The following TAFA4 variants were observed in gnomAD, a reference collection of about 807,000 sequenced individuals.
The protein encoded by TAFA4 is chemokine-like protein TAFA-4.
TAFA4 carries 20 observed loss-of-function variants against 21.1 expected under a neutral mutation model. That is an observed-to-expected ratio of 0.95 (90% confidence interval 0.67 to 1.38). TAFA4 has a LOEUF of 1.38. Ranked by LOEUF, TAFA4 falls within the 40% of genes most tolerant of loss-of-function variation. TAFA4 has a pLI of 0.00. For synonymous variants in TAFA4, 71 were observed against 67.4 expected, an observed-to-expected ratio of 1.05 and a Z score of -0.26; for missense variants, 211 against 180.9, an observed-to-expected ratio of 1.17 and a Z score of -0.95.
intron 3 of TAFA4, among the ~76,000 whole-genome samples, chr3:68,862,150 G>C (rs2089353060): frequency 6.6e-6 from 1 of 151,888 alleles, no homozygotes; most frequent in Admixed American, 6.6e-5. Context: ...CTAGATGTCT[G>C]GGCCACCACC....
chr3:68,811,721 G>A (rs1013076254), intron 3 of TAFA4, among the ~76,000 whole-genome samples: 12 of 152,214 alleles, frequency 7.9e-5, no homozygotes, highest in Admixed American at 3.9e-4. Context: ...AAGTGACGGG[G>A]AGAATGGAAC....
chr3:68,797,543 A>G (rs1457193215), intron 3 of TAFA4, among the ~76,000 whole-genome samples: 1 of 150,030 alleles, frequency 6.7e-6, no homozygotes, highest in Non-Finnish European at 1.5e-5. Context: ...AACCTGGGAG[A>G]CAGAGGTTGC....
intron 3 of TAFA4, among the ~76,000 whole-genome samples, chr3:68,866,756 C>T (rs755671633): frequency 6.9e-6 from 1 of 145,422 alleles, no homozygotes; most frequent in Non-Finnish European, 1.5e-5. Flanking sequence ...AATCCTGGAA[C>T]TGAGAAATTC....
At chr3:68,880,532 A>G (rs2089603969) in intron 3 of TAFA4, among the ~76,000 whole-genome samples, 198 bp downstream of exon 3, 1 of 152,232 alleles carries the variant, frequency 6.6e-6, no homozygotes, top group Admixed American at 6.5e-5. Context: ...AAAGTTTTTA[A>G]AAGCCTGAAA....
At chr3:68,902,424 G>A (rs1183524474) in intron 1 of TAFA4, among the ~76,000 whole-genome samples, 3 of 151,928 alleles carry the variant, frequency 2.0e-5, no homozygotes, top group Non-Finnish European at 1.5e-5. Flanking sequence ...CTGGACTGCA[G>A]TGGCATGATC....
intron 3 of TAFA4, among the ~76,000 whole-genome samples, chr3:68,813,620 A>T (rs888481559): frequency 2.0e-5 from 3 of 152,238 alleles, no homozygotes; most frequent in Admixed American, 6.5e-5. Context: ...AACCAGGAAG[A>T]AGTTGAATGT....
chr3:68,747,337 T>A (rs1237798076), intron 4 of TAFA4, among the ~76,000 whole-genome samples: 1 of 152,124 alleles, frequency 6.6e-6, no homozygotes, highest in Non-Finnish European at 1.5e-5. Flanking sequence ...ACAAGCCCCA[T>A]GTTTCATGGG....
At chr3:68,851,085 A>G (rs1236985291) in intron 3 of TAFA4, among the ~76,000 whole-genome samples, 1 of 152,190 alleles carries the variant, frequency 6.6e-6, no homozygotes, top group Non-Finnish European at 1.5e-5. Context: ...AAAACATGGA[A>G]TCAACCCCAA....
intron 3 of TAFA4, among the ~76,000 whole-genome samples, chr3:68,840,293 G>A (rs892324716): frequency 1.3e-5 from 2 of 152,190 alleles, no homozygotes; most frequent in African/African-American, 2.4e-5. Context: ...CTGCAGCCCC[G>A]ACCTCCTGGG....
At chr3:68,886,115 G>T (rs1367751664) in intron 1 of TAFA4, among the ~76,000 whole-genome samples, 1 of 152,166 alleles carries the variant, frequency 6.6e-6, no homozygotes, top group African/African-American at 2.4e-5. Context: ...ACATAAAAAT[G>T]ATTTTTGAAA....
At chr3:68,824,806 T>C (rs938944332) in intron 3 of TAFA4, among the ~76,000 whole-genome samples, 5 of 152,144 alleles carry the variant, frequency 3.3e-5, no homozygotes, top group African/African-American at 4.8e-5. Context: ...AGAACTAGGA[T>C]TCAGTCATTT....
At chr3:68,832,572 G>T (rs1382407107) in intron 3 of TAFA4, among the ~76,000 whole-genome samples, 2 of 152,162 alleles carry the variant, frequency 1.3e-5, no homozygotes, top group Non-Finnish European at 2.9e-5. Context: ...TCCCAGAGGG[G>T]CACCCACCTG....
At chr3:68,880,218 A>G (rs1398011326) in intron 3 of TAFA4, among the ~76,000 whole-genome samples, 1 of 152,210 alleles carries the variant, frequency 6.6e-6, no homozygotes, top group African/African-American at 2.4e-5. Flanking sequence ...GTCCCTTACA[A>G]AAGTTACCAC....
At chr3:68,831,461 G>T (rs1354286908) in intron 3 of TAFA4, among the ~76,000 whole-genome samples, 2 of 152,168 alleles carry the variant, frequency 1.3e-5, no homozygotes, top group African/African-American at 4.8e-5. Flanking sequence ...AGTTTGGCTG[G>T]ATGTGAAATT....
intron 3 of TAFA4, among the ~76,000 whole-genome samples, chr3:68,824,446 T>C (rs1704181935): frequency 6.9e-6 from 1 of 143,950 alleles, no homozygotes; most frequent in South Asian, 2.6e-4. Flanking sequence ...GTTTCCATCA[T>C]CATATCTCCT....
At chr3:68,832,311 G>A (rs1006133568) in intron 3 of TAFA4, among the ~76,000 whole-genome samples, 8 of 152,148 alleles carry the variant, frequency 5.3e-5, no homozygotes, top group Admixed American at 5.2e-4. Context: ...CCCCATCTTT[G>A]CGGTTTTATC....
chr3:68,751,053 G>A (rs1288924992), intron 4 of TAFA4, among the ~76,000 whole-genome samples: 1 of 152,212 alleles, frequency 6.6e-6, no homozygotes, highest in Non-Finnish European at 1.5e-5. Flanking sequence ...AGGAGAATAA[G>A]AAGAATTAAG....
intron 3 of TAFA4, among the ~76,000 whole-genome samples, chr3:68,772,997 T>C (rs1156830327): frequency 1.3e-5 from 2 of 152,350 alleles, no homozygotes; most frequent in East Asian, 3.9e-4. Flanking sequence ...ACTAATGATC[T>C]CAATCATCTA....
chr3:68,751,247 A>G lies in TAFA4; in HGVS notation c.286+1616T>C, dbSNP rs564408006. Among the ~76,000 whole-genome samples the G allele has an allele frequency of 6.2e-4, 94 of 152,336 alleles. 1 individual carries two copies. The highest frequency in any genetic ancestry group is 2.2e-3 in the African/African-American group (93 of 41,584). On this transcript the variant is annotated intron_variant, in intron 4 of 5. Coordinates refer to ENST00000295569, the MANE Select transcript of TAFA4 (RefSeq NM_182522.5). Reference sequence around the variant, plus strand: ...CCATGGTAAAGAACTCCTGGAGTTTATCTTAAAGAGAGTGGGAAGCCACTA... The same window carrying G: ...CCATGGTAAAGAACTCCTGGAGTTTGTCTTAAAGAGAGTGGGAAGCCACTA...
Sources: gnomAD v4.1 joint callset for allele counts (sites outside exome capture counted in the v4.1 genomes callset) on GRCh38, gnomAD v4.1.1 for gene constraint, MANE v1.5 for transcripts, NCBI Gene and HGNC (gene_info 2026-07-23, HGNC 2026-07-21) for gene names.